Variants in ADD3 observed in about 807,000 individuals in gnomAD.
ADD3 encodes the protein adducin 3.
A neutral mutation model predicts 80.2 loss-of-function variants in ADD3; 25 were observed. That is an observed-to-expected ratio of 0.31 (90% CI 0.23 to 0.44). The LOEUF (loss-of-function observed/expected upper bound fraction) is 0.44, where lower values mean the gene tolerates loss of function less well. Among genes scored for constraint, ADD3 ranks in the 20% least tolerant of loss-of-function variants. The pLI, the probability that ADD3 is intolerant of heterozygous loss-of-function variation, is 1.00. For synonymous variants in ADD3, 284 were observed against 289.6 expected, an observed-to-expected ratio of 0.98 and a Z score of 0.20; for missense variants, 829 against 847.5, an observed-to-expected ratio of 0.98 and a Z score of 0.27.
At chr10:110,068,988 G>T (rs1390654654) in intron 1 of ADD3, among the ~76,000 whole-genome samples, 1 of 151,988 alleles carries the variant, frequency 6.6e-6, no homozygotes, top group Non-Finnish European at 1.5e-5. Flanking sequence ...GAGCTGGGAG[G>T]ATTATTTGAG....
At chr10:110,067,218 G>C (rs897300958) in intron 1 of ADD3, among the ~76,000 whole-genome samples, 1 of 152,196 alleles carries the variant, frequency 6.6e-6, no homozygotes, top group African/African-American at 2.4e-5. Flanking sequence ...TTCCTAGAGT[G>C]TAGTAAAGGC....
intron 11 of ADD3, among the ~76,000 whole-genome samples, 175 bp downstream of exon 11, chr10:110,126,120 G>C (rs1030661758): frequency 2.0e-5 from 3 of 152,144 alleles, no homozygotes; most frequent in Non-Finnish European, 2.9e-5. Context: ...GCTAGTAATT[G>C]GTGAACAGGC....
chr10:110,118,736 T>G lies in ADD3; in HGVS notation c.717T>G (p.Ala239=), dbSNP rs1399257246. The G allele has an allele frequency of 3.1e-6, 5 of 1,613,544 alleles. No homozygotes were observed. Among genetic ancestry groups the G allele is most frequent in the Non-Finnish European group, 4.2e-6 (5 of 1,179,574 alleles). ...VIHIHTLATA[A]VSSMKCGILP... ...ACATCCATACCCTTGCAACAGCAGCTGTAAGTCAATGAAAGTCCAAAACTG... is the reference window on the plus strand; with the variant it reads ...ACATCCATACCCTTGCAACAGCAGCGGTAAGTCAATGAAAGTCCAAAACTG... Residue 239 remains alanine (A), a splice_region_variant and synonymous_variant, in exon 6 of 15, where the codon GCT becomes GCG. Coordinates refer to ENST00000356080, the MANE Select transcript of ADD3 (RefSeq NM_016824.5).
intron 1 of ADD3, among the ~76,000 whole-genome samples, chr10:110,041,800 AGCTGATAG>A (rs1163566027): frequency 1.3e-5 from 2 of 152,222 alleles, no homozygotes; most frequent in Non-Finnish European, 2.9e-5. Flanking sequence ...GATACCTGAC[AGCTGATAG>A]GCATGTAGCA....
intron 1 of ADD3, among the ~76,000 whole-genome samples, chr10:110,036,924 C>CA (rs1419092358): frequency 6.6e-6 from 1 of 152,102 alleles, no homozygotes; most frequent in Non-Finnish European, 1.5e-5. Flanking sequence ...GCTTTAGCCA[C>CA]AAAAAATACA....
In ADD3 at chr10:110,118,594, T is replaced by G. The variant is rs766650184; in HGVS notation, c.575T>G (p.Val192Gly). Residue 192 changes from valine to glycine, a missense_variant, in exon 6 of 15, where the codon GTC becomes GGC. Transcript: ENST00000356080. ...SEATASNLVK[V>G]NIIGEVVDQG... ...CCTTCTGATTTTTTCCAGGTGAAAGTCAATATAATAGGAGAAGTGGTTGAC... is the reference window on the plus strand; with the variant it reads ...CCTTCTGATTTTTTCCAGGTGAAAGGCAATATAATAGGAGAAGTGGTTGAC... 2 of 1,613,842 alleles carry G rather than the reference T, an allele frequency of 1.2e-6. No homozygotes were observed. Among genetic ancestry groups the G allele is most frequent in the Non-Finnish European group, 8.5e-7 (1 of 1,179,724 alleles).
At position 110,132,389 on chromosome 10, in the gene ADD3, A is replaced by G; in HGVS notation, c.1817A>G (p.Glu606Gly). ...SQTQSPQNVP[E>G]KLEENHELFS... ...ACTCAGTCACCGCAAAATGTCCCTG[A>G]AAAATTAGAAGGTACTCAATGTAAT... The change falls in exon 14 of 15, where the codon GAA becomes GGA. Residue 606 changes from glutamate (E) to glycine (G), a missense_variant. Physicochemically the swap from Glu to Gly is moderately conservative, Grantham distance 98 (BLOSUM62 -2). Transcript: ENST00000356080. The G allele has an allele frequency of 6.2e-7, 1 of 1,609,440 alleles. No individual in the cohort carries two copies. The highest frequency in any genetic ancestry group is 8.5e-7 in the Non-Finnish European group (1 of 1,175,884).
intron 1 of ADD3, among the ~76,000 whole-genome samples, chr10:110,088,051 T>G (rs931959330): frequency 6.6e-6 from 1 of 152,178 alleles, no homozygotes; most frequent in African/African-American, 2.4e-5. Flanking sequence ...TTTTCTTCCT[T>G]TGTGTCTTTT....
intron 1 of ADD3, among the ~76,000 whole-genome samples, chr10:110,050,352 G>A (rs1183374312): frequency 2.6e-5 from 4 of 152,038 alleles, no homozygotes; most frequent in African/African-American, 9.7e-5. Flanking sequence ...TTATGGTAGT[G>A]AGTAAGTCTG....
chr10:110,068,208 C>G (rs562980664), intron 1 of ADD3, among the ~76,000 whole-genome samples: 11 of 151,948 alleles, frequency 7.2e-5, no homozygotes, highest in African/African-American at 2.7e-4. Flanking sequence ...CTCCTTTTCC[C>G]GCTTCCACCG....
At chr10:110,081,251 G>T (rs925604738) in intron 1 of ADD3, among the ~76,000 whole-genome samples, 1 of 151,926 alleles carries the variant, frequency 6.6e-6, no homozygotes, top group Non-Finnish European at 1.5e-5. Context: ...ATTTTCATAC[G>T]CATTTTTTGA....
intron 1 of ADD3, among the ~76,000 whole-genome samples, chr10:110,054,030 G>A (rs1857832782): frequency 6.6e-6 from 1 of 152,190 alleles, no homozygotes; most frequent in Non-Finnish European, 1.5e-5. Flanking sequence ...GTCATTTGAT[G>A]TGTACTGACT....
At chr10:110,021,593 A>G (rs1030573796) in intron 1 of ADD3, among the ~76,000 whole-genome samples, 2 of 152,214 alleles carry the variant, frequency 1.3e-5, no homozygotes, top group Non-Finnish European at 2.9e-5. Context: ...CATGCTAAGT[A>G]AAAAAGCCAG....
At chr10:110,052,516 T>C (rs188434585) in intron 1 of ADD3, among the ~76,000 whole-genome samples, 174 of 152,324 alleles carry the variant, frequency 1.1e-3, no homozygotes, top group African/African-American at 4.0e-3. Context: ...TAGTGCCTGA[T>C]AATCAGAGCC....
At chr10:110,102,068 G>C (rs932564891) in intron 2 of ADD3, among the ~76,000 whole-genome samples, 1 of 152,118 alleles carries the variant, frequency 6.6e-6, no homozygotes, top group Non-Finnish European at 1.5e-5. Flanking sequence ...CTCGGTGAAA[G>C]CATTGAAGTA....
At chr10:110,048,654 A>C (rs1857157288) in intron 1 of ADD3, among the ~76,000 whole-genome samples, 1 of 152,188 alleles carries the variant, frequency 6.6e-6, no homozygotes, top group African/African-American at 2.4e-5. Flanking sequence ...GATCTGTGGA[A>C]CTTTGAACTT....
intron 2 of ADD3, among the ~76,000 whole-genome samples, chr10:110,101,402 G>A (rs1848791935): frequency 6.6e-6 from 1 of 152,184 alleles, no homozygotes; most frequent in South Asian, 2.1e-4. Context: ...GGGAAGCCGA[G>A]GCAGGAGGCT....
At chr10:110,040,848 A>G (rs1233921757) in intron 1 of ADD3, among the ~76,000 whole-genome samples, 2 of 152,210 alleles carry the variant, frequency 1.3e-5, no homozygotes, top group African/African-American at 4.8e-5. Context: ...TTTGAAGGTC[A>G]GGTTAAAGAA....
chr10:110,115,089 A>G (rs942538193), intron 3 of ADD3, among the ~76,000 whole-genome samples: 3 of 151,258 alleles, frequency 2.0e-5, no homozygotes, highest in Non-Finnish European at 4.4e-5. Flanking sequence ...CTAAAAAAAA[A>G]AAAAAAAAAA....
Sources: gnomAD v4.1 joint callset for allele counts (sites outside exome capture counted in the v4.1 genomes callset) on GRCh38, gnomAD v4.1.1 for gene constraint, MANE v1.5 for transcripts, NCBI Gene and HGNC (gene_info 2026-07-23, HGNC 2026-07-21) for gene names.